Variants in BSN observed in about 807,000 individuals in gnomAD.
BSN encodes the protein protein bassoon.
Under a neutral mutation model 264.8 loss-of-function variants are expected in BSN, and 57 were observed. The ratio of observed to expected loss-of-function variants is 0.22; its 90% CI spans 0.17 to 0.27. BSN has a LOEUF of 0.27. Ranked by LOEUF, BSN falls within the 10% of genes least tolerant of loss-of-function variation. The pLI is 1.00. For synonymous variants in BSN, 2,059 were observed against 2,137.3 expected (o/e 0.96, Z 1.01); for missense variants, 4,615 against 5,232.5 (o/e 0.88, Z 3.64).
In BSN at chr3:49,654,125, C is replaced by T. The variant is rs1376962235; in HGVS notation, c.4569C>T (p.Ala1523=). The T allele has an allele frequency of 6.2e-7, 1 of 1,613,924 alleles. No individual in the cohort carries two copies. The highest frequency in any genetic ancestry group is 1.1e-5 in the South Asian group (1 of 91,094). Residue 1523 remains alanine (A), a synonymous_variant, in exon 5 of 12, where the codon GCC becomes GCT. Transcript: ENST00000296452. This position sits in a 1 kb window ranked among gnomAD's most constrained non-coding sequence, Gnocchi z 4.1. ...PASDMPRSPG[A]PTPSPMVAQG... ...CAGACATGCCACGGAGCCCTGGTGC[C>T]CCCACTCCATCACCTATGGTAGCCC...
intron 1 of BSN, among the ~76,000 whole-genome samples, chr3:49,592,444 A>T (rs1023216747): frequency 1.3e-5 from 2 of 149,412 alleles, no homozygotes; most frequent in African/African-American, 4.9e-5. Flanking sequence ...TGAATTTCAC[A>T]TGCAGCTGTA....
rs200383612 is a variant in BSN at position 49,662,008 on chromosome 3, A to C, written c.10163A>C (p.Tyr3388Ser). The change falls in exon 6 of 12, where the codon TAC becomes TCC. Residue 3388 changes from tyrosine (Y) to serine (S), a missense_variant. By Grantham distance (144) the Tyr-to-Ser change is moderately radical. This residue lies in a region of BSN where 3,415 missense variants were observed against 3,866.4 expected (regional missense o/e 0.88). Transcript: ENST00000296452. ...AKDVESDLAS[Y>S]PPPAVSSSLV... is the part of the protein sequence containing the mutation. Reference sequence around the variant, plus strand: ...GACGTAGAGTCAGACCTGGCGTCCTACCCCCCACCTGCAGTCAGCAGCAGC... The same window carrying C: ...GACGTAGAGTCAGACCTGGCGTCCTCCCCCCCACCTGCAGTCAGCAGCAGC... 7 of 1,613,508 alleles carry C rather than the reference A, an allele frequency of 4.3e-6. No individual in the cohort carries two copies. In the African/African-American group the frequency reaches 8.0e-5, roughly 18 times the overall value.
intron 1 of BSN, among the ~76,000 whole-genome samples, chr3:49,601,529 G>T (rs537265561): frequency 6.6e-6 from 1 of 152,270 alleles, no homozygotes; most frequent in Non-Finnish European, 1.5e-5. Context: ...GTGCCAGCTT[G>T]TGGCTCTGTG....
intron 1 of BSN, among the ~76,000 whole-genome samples, chr3:49,613,303 C>CGAGAGAGAGAGGGAGAGA (rs2052223853): frequency 2.1e-5 from 1 of 47,332 alleles, no homozygotes; most frequent in Non-Finnish European, 4.0e-5. Context: ...ACACACAGAG[C>CGAGAGAGAGAGGGAGAGA]GAGAGAGAGA....
intron 1 of BSN, among the ~76,000 whole-genome samples, chr3:49,611,921 CCTCT>C (rs1279434408): frequency 1.3e-5 from 2 of 152,154 alleles, no homozygotes; most frequent in Non-Finnish European, 2.9e-5. Flanking sequence ...CTCTTCCCTC[CCTCT>C]ATTTCTCTTG....
rs1005599819 is a variant in BSN at position 49,624,958 on chromosome 3, T to A, written c.225-17T>A. The A allele has an allele frequency of 1.3e-6, 2 of 1,498,874 alleles. No individual in the cohort carries two copies. The highest frequency in any genetic ancestry group is 1.8e-6 in the Non-Finnish European group (2 of 1,123,402). 92.8% of individuals were successfully genotyped at this position (1,498,874 alleles called of 1,614,324 possible). ...TCTAAGCTGTATCTCTAACAGTCAT[T>A]TTCAATGTCATTTCAGCACTTCCCG... is the stretch of plus-strand genomic sequence containing the variant. On this transcript the variant is annotated splice_polypyrimidine_tract_variant and intron_variant, in intron 1 of 11. Transcript: ENST00000296452.
chr3:49,635,872 G>A (rs1399546955), intron 2 of BSN, among the ~76,000 whole-genome samples: 1 of 151,824 alleles, frequency 6.6e-6, no homozygotes, highest in African/African-American at 2.4e-5. Context: ...CCATCTACTC[G>A]GGAGGCTGAG....
chr3:49,589,360 TTCTC>T (rs1201360344), intron 1 of BSN, among the ~76,000 whole-genome samples: 1 of 152,132 alleles, frequency 6.6e-6, no homozygotes, highest in Middle Eastern at 3.2e-3. Context: ...AATTGTCTAT[TTCTC>T]CCTTCAATTC....
chr3:49,651,572 T>C lies in BSN; in HGVS notation c.2016T>C (p.Asp672=). The change falls in exon 5 of 12, where the codon GAT becomes GAC. Residue 672 remains aspartate, a synonymous_variant. Coordinates refer to ENST00000296452, the MANE Select transcript of BSN (RefSeq NM_003458.4). The surrounding 1 kb of genome is among the most constrained non-coding windows in gnomAD (Gnocchi z 5.4). Reference sequence around the variant, plus strand: ...TGGTGGGCAAGCCTTACTCTCAGGATGCGTCTCGGAGCCCACAGAGCCTCA... The same window carrying C: ...TGGTGGGCAAGCCTTACTCTCAGGACGCGTCTCGGAGCCCACAGAGCCTCA... ...EDLVGKPYSQ[D]ASRSPQSLSD... 1 of 1,595,012 alleles carries C rather than the reference T, an allele frequency of 6.3e-7. No homozygotes were observed. The highest frequency in any genetic ancestry group is 8.6e-7 in the Non-Finnish European group (1 of 1,168,922).
intron 1 of BSN, among the ~76,000 whole-genome samples, chr3:49,595,341 C>G (rs2052014217): frequency 6.6e-6 from 1 of 152,068 alleles, no homozygotes. Context: ...TACAGGCATG[C>G]ACCACCACCC....
chr3:49,652,380 T>G lies in BSN; in HGVS notation c.2824T>G (p.Tyr942Asp). ...CATTGAGCTCAACAGCACGGGAAGT[T>G]ATGGTCATGAGTTGGACCTGGGCCA... ...KTIELNSTGSYGHELDLGQGP... is the reference protein window; with the variant it reads ...KTIELNSTGSDGHELDLGQGP... Residue 942 changes from tyrosine to aspartate, a missense_variant, in exon 5 of 12, where the codon TAT (tyrosine) becomes GAT (aspartate). By Grantham distance (160) the Tyr-to-Asp change is radical. Transcript: ENST00000296452. 1 of 1,607,934 alleles carries G rather than the reference T, an allele frequency of 6.2e-7. No homozygotes were observed. The highest frequency in any genetic ancestry group is 8.5e-7 in the Non-Finnish European group (1 of 1,176,854).
intron 2 of BSN, among the ~76,000 whole-genome samples, chr3:49,628,107 G>A (rs2052356388): frequency 6.6e-6 from 1 of 152,224 alleles, no homozygotes; most frequent in Non-Finnish European, 1.5e-5. Context: ...TGACATGGAG[G>A]CTTTCAGGGC....
chr3:49,663,634 A>C lies in BSN; in HGVS notation c.11476A>C (p.Ser3826Arg). The change falls in exon 7 of 12, where the codon AGC becomes CGC. Residue 3826 changes from serine (S) to arginine (R), a missense_variant. Physicochemically the swap from Ser to Arg is moderately radical, Grantham distance 110 (BLOSUM62 -1). Transcript: ENST00000296452. Reference sequence around the variant, plus strand: ...TGCAGGGAAGCCTCAGCCAGGCCCCAGCACAGCCACAGGTCCTCAACCAGC... The same window carrying C: ...TGCAGGGAAGCCTCAGCCAGGCCCCCGCACAGCCACAGGTCCTCAACCAGC... ...QPAGKPQPGP[S>R]TATGPQPAGP... 1 of 1,608,730 alleles carries C rather than the reference A, an allele frequency of 6.2e-7. No individual in the cohort carries two copies.
At chr3:49,636,254 G>T (rs993076158) in intron 2 of BSN, among the ~76,000 whole-genome samples, 2 of 152,158 alleles carry the variant, frequency 1.3e-5, no homozygotes, top group Non-Finnish European at 2.9e-5. Flanking sequence ...GGATAAAGGG[G>T]CCTGGAGGGA....
intron 1 of BSN, among the ~76,000 whole-genome samples, chr3:49,561,537 A>T (rs1189366708): frequency 6.6e-6 from 1 of 151,624 alleles, no homozygotes; most frequent in Non-Finnish European, 1.5e-5. Context: ...CACTCCCATT[A>T]AAAAAATTTT....
At chr3:49,634,298 G>A (rs987936981) in intron 2 of BSN, among the ~76,000 whole-genome samples, 2 of 152,180 alleles carry the variant, frequency 1.3e-5, no homozygotes, top group Admixed American at 1.3e-4. Context: ...TTACGAAGAT[G>A]AATGGTGGTG....
chr3:49,661,856 G>A lies in BSN; in HGVS notation c.10011G>A (p.Gly3337=). Residue 3337 remains glycine, a synonymous_variant, in exon 6 of 12, where the codon GGG becomes GGA. Coordinates refer to ENST00000296452, the MANE Select transcript of BSN (RefSeq NM_003458.4). ...CTCGAGTAGAGAAGTATGGTCCAGG[G>A]CCCATGGGGCCCAAGCATCCCTCCA... ...HGARVEKYGP[G]PMGPKHPSKS... is the part of the protein sequence containing the mutation. 1.2e-6 allele frequency: 2 copies of A among 1,613,550 alleles called. No homozygotes were observed. Among genetic ancestry groups the A allele is most frequent in the South Asian group, 1.1e-5 (1 of 91,088 alleles).
chr3:49,658,086 A>G lies in BSN; in HGVS notation c.8530A>G (p.Lys2844Glu), dbSNP rs1487234960. 3 of 1,613,196 alleles carry G rather than the reference A, an allele frequency of 1.9e-6. No homozygotes were observed. The East Asian group carries it at 6.7e-5, about 36-fold the overall frequency. The change falls in exon 5 of 12, where the codon AAG (lysine) becomes GAG (glutamate). Residue 2844 changes from lysine (K) to glutamate (E), a missense_variant. This residue lies in a region of BSN where 3,415 missense variants were observed against 3,866.4 expected (regional missense o/e 0.88). Coordinates refer to ENST00000296452, the MANE Select transcript of BSN (RefSeq NM_003458.4). ...CCAGCAGACGCTGCCTCGCCCCATG[A>G]AGACCCTGCAGCGGTCCCTGTCTGA... ...LRQQTLPRPM[K>E]TLQRSLSDPK...
intron 1 of BSN, among the ~76,000 whole-genome samples, chr3:49,605,117 A>G (rs2052102198): frequency 6.7e-6 from 1 of 148,666 alleles, no homozygotes; most frequent in African/African-American, 2.5e-5. Flanking sequence ...AAAATTAGCC[A>G]GACATGGTGG....
Sources: gnomAD v4.1 joint callset for allele counts (sites outside exome capture counted in the v4.1 genomes callset) on GRCh38, gnomAD v4.1.1 for gene constraint, gnomAD v4.1.1 regional missense constraint, Gnocchi (gnomAD v3.1) non-coding constraint, MANE v1.5 for transcripts, NCBI Gene and HGNC (gene_info 2026-07-23, HGNC 2026-07-21) for gene names.